Variants in MREG observed in about 807,000 individuals in gnomAD.
The protein encoded by MREG is melanoregulin.
Under a neutral mutation model 28.5 loss-of-function variants are expected in MREG, and 31 were observed. The observed-to-expected ratio is 1.09, with a 90% CI of 0.82 to 1.47. The LOEUF (loss-of-function observed/expected upper bound fraction) is 1.47. Ranked by LOEUF, MREG falls within the 40% of genes most tolerant of loss-of-function variation. The probability of loss-of-function intolerance (pLI) is 0.00; values close to 1 mark genes in which losing one functional copy is unlikely to be tolerated. For missense variants in MREG, 256 were observed against 257.4 expected, an observed-to-expected ratio of 0.99 and a Z score of 0.04; for synonymous variants, 106 against 95.2, an observed-to-expected ratio of 1.11 and a Z score of -0.66.
intron 2 of MREG, among the ~76,000 whole-genome samples, chr2:215,949,560 CAA>C (rs539713640): frequency 3.9e-4 from 42 of 108,294 alleles, no homozygotes; most frequent in Middle Eastern, 4.6e-3. Context: ...GACTCTGTCT[CAA>C]AAAAAAAAAA....
At chr2:215,973,028 C>T (rs2105991890) in intron 2 of MREG, among the ~76,000 whole-genome samples, 1 of 152,218 alleles carries the variant, frequency 6.6e-6, no homozygotes, top group East Asian at 1.9e-4. Context: ...TGTTGGGGTC[C>T]TTTGGGGGTG....
At chr2:216,004,004 C>T (rs1457879184) in intron 1 of MREG, among the ~76,000 whole-genome samples, 1 of 152,198 alleles carries the variant, frequency 6.6e-6, no homozygotes, top group East Asian at 1.9e-4. Flanking sequence ...ACCCATTTGG[C>T]CTAGAGGATA....
chr2:215,986,683 C>T (rs1001255649), intron 2 of MREG, among the ~76,000 whole-genome samples: 5 of 152,308 alleles, frequency 3.3e-5, no homozygotes, highest in Non-Finnish European at 7.3e-5. Context: ...CTCACAAGAT[C>T]TGATGGTTTC....
chr2:215,982,329 C>G (rs1693448916), intron 2 of MREG, among the ~76,000 whole-genome samples: 1 of 112,574 alleles, frequency 8.9e-6, no homozygotes. Flanking sequence ...CACAGCAAAA[C>G]TCCGTCAAAA....
chr2:215,948,150 T>C (rs1233975512), intron 2 of MREG, among the ~76,000 whole-genome samples: 1 of 152,252 alleles, frequency 6.6e-6, no homozygotes, highest in African/African-American at 2.4e-5. Context: ...TACTAAGTTC[T>C]GTACAAGGCT....
intron 1 of MREG, among the ~76,000 whole-genome samples, chr2:216,028,548 A>C (rs891670369): frequency 2.7e-5 from 4 of 149,384 alleles, no homozygotes; most frequent in Admixed American, 6.7e-5. Flanking sequence ...AAAAAAAAAA[A>C]CCCAGATAAT....
chr2:216,013,179 G>A, intron 1 of MREG, 54 bp downstream of exon 1: 2 of 1,499,142 alleles, frequency 1.3e-6, no homozygotes, highest in Non-Finnish European at 1.8e-6. Flanking sequence ...CACACTCTCG[G>A]CGCCCGGCTA....
intron 1 of MREG, among the ~76,000 whole-genome samples, chr2:216,005,821 C>G (rs1339753362): frequency 8.5e-6 from 1 of 117,388 alleles, no homozygotes; most frequent in Non-Finnish European, 1.7e-5. Flanking sequence ...CATTGGAACA[C>G]AAGTTTTTAA....
At chr2:215,995,267 T>C (rs1693836449) in intron 2 of MREG, among the ~76,000 whole-genome samples, 1 of 152,144 alleles carries the variant, frequency 6.6e-6, no homozygotes, top group South Asian at 2.1e-4. Flanking sequence ...CAGTCCACCC[T>C]TCCCCAGGCC....
chr2:215,994,423 C>T (rs945352373), intron 2 of MREG, among the ~76,000 whole-genome samples: 1 of 151,488 alleles, frequency 6.6e-6, no homozygotes, highest in African/African-American at 2.4e-5. Context: ...GGGGTGGGGG[C>T]CTAGGGGAGG....
At chr2:215,954,659 T>A (rs1427352315) in intron 2 of MREG, among the ~76,000 whole-genome samples, 5 of 152,120 alleles carry the variant, frequency 3.3e-5, no homozygotes. Flanking sequence ...ATGACTATTG[T>A]TGTTTCCTCA....
chr2:215,976,927 G>A (rs1449212006), intron 2 of MREG, among the ~76,000 whole-genome samples: 1 of 152,118 alleles, frequency 6.6e-6, no homozygotes, highest in African/African-American at 2.4e-5. Flanking sequence ...GCAAAAACAC[G>A]CCAAATTGTA....
chr2:215,939,449 A>G (rs182975565), downstream of MREG: 24 of 152,350 alleles, frequency 1.6e-4, no homozygotes, highest in Admixed American at 1.4e-3. Flanking sequence ...TGTAATCCCA[A>G]ATAAGTCCTC....
At chr2:215,999,724 C>T (rs912383968) in intron 1 of MREG, among the ~76,000 whole-genome samples, 1 of 152,170 alleles carries the variant, frequency 6.6e-6, no homozygotes, top group African/African-American at 2.4e-5. Flanking sequence ...GAGCGGGTGA[C>T]AGCAGCCCAT....
At chr2:215,947,273 G>A (rs1362794461) in intron 2 of MREG, among the ~76,000 whole-genome samples, 160 bp from the exon 3 acceptor site, 1 of 152,228 alleles carries the variant, frequency 6.6e-6, no homozygotes, top group East Asian at 1.9e-4. Context: ...AAAGTTGATA[G>A]GAATACTATC....
At chr2:216,009,140 T>C (rs1182851707) in intron 1 of MREG, among the ~76,000 whole-genome samples, 2 of 152,198 alleles carry the variant, frequency 1.3e-5, no homozygotes, top group Non-Finnish European at 2.9e-5. Flanking sequence ...TGTCAACCAA[T>C]CAATACATAA....
chr2:215,949,561 A>G (rs1276986551), intron 2 of MREG, among the ~76,000 whole-genome samples: 4 of 121,232 alleles, frequency 3.3e-5, no homozygotes, highest in Non-Finnish European at 3.6e-5. Flanking sequence ...ACTCTGTCTC[A>G]AAAAAAAAAA....
chr2:215,940,364 T>C (rs1692183634), downstream of MREG, among the ~76,000 whole-genome samples: 1 of 152,188 alleles, frequency 6.6e-6, no homozygotes, highest in South Asian at 2.1e-4. Flanking sequence ...GTGATATTAG[T>C]AATAGAAAGT....
chr2:215,942,350 T>C (rs1391539765), downstream of MREG, among the ~76,000 whole-genome samples: 9 of 152,200 alleles, frequency 5.9e-5, no homozygotes, highest in South Asian at 2.1e-4. Context: ...CTGTGGCTAC[T>C]GGTCCTGCCG....
Sources: allele counts gnomAD v4.1 joint callset (sites outside exome capture counted in the v4.1 genomes callset), GRCh38; gene constraint gnomAD v4.1.1; transcripts MANE v1.5; gene names NCBI Gene and HGNC (gene_info 2026-07-23, HGNC 2026-07-21).